The following PTPRN2 variants were observed in gnomAD, a reference collection of about 807,000 sequenced individuals.
PTPRN2 encodes the protein receptor-type tyrosine-protein phosphatase N2.
PTPRN2 carries 74 observed loss-of-function variants against 118.8 expected under a neutral mutation model. The ratio of observed to expected loss-of-function variants is 0.62; its 90% confidence interval spans 0.52 to 0.76. The LOEUF (loss-of-function observed/expected upper bound fraction) is 0.76, where lower values mean the gene tolerates loss of function less well. PTPRN2 is among the 30% of genes least tolerant of loss of function. The pLI is 0.00. For missense variants in PTPRN2, 1,481 were observed against 1,394.4 expected, an observed-to-expected ratio of 1.06 and a Z score of -0.99; for synonymous variants, 641 against 608.0, an observed-to-expected ratio of 1.05 and a Z score of -0.80.
chr7:158,321,113 G>GC (rs1055426065), intron 2 of PTPRN2, among the ~76,000 whole-genome samples: 1 of 151,620 alleles, frequency 6.6e-6, no homozygotes, highest in Non-Finnish European at 1.5e-5. Flanking sequence ...GAGTCGGGAC[G>GC]CCAGGGGTGA....
chr7:158,585,511 C>T (rs777851124), intron 1 of PTPRN2, among the ~76,000 whole-genome samples: 3 of 152,194 alleles, frequency 2.0e-5, no homozygotes, highest in Admixed American at 6.5e-5. Context: ...CCAGTGACAC[C>T]GTGATCAGAG....
At chr7:157,753,163 C>T (rs948185557) in intron 12 of PTPRN2, among the ~76,000 whole-genome samples, 1 of 152,230 alleles carries the variant, frequency 6.6e-6, no homozygotes, top group African/African-American at 2.4e-5. Context: ...ATCCTAAACG[C>T]CTCCCTCTGC....
intron 7 of PTPRN2, among the ~76,000 whole-genome samples, chr7:158,137,538 A>T (rs1274581541): frequency 6.6e-6 from 1 of 152,146 alleles, no homozygotes; most frequent in Non-Finnish European, 1.5e-5. Context: ...GGCCTCCTGC[A>T]TCCCTCCTAG....
intron 9 of PTPRN2, among the ~76,000 whole-genome samples, chr7:158,127,910 C>T (rs1481128784): frequency 6.6e-6 from 1 of 152,184 alleles, no homozygotes; most frequent in African/African-American, 2.4e-5. Flanking sequence ...CTTCAAGAAT[C>T]CCTCTAGTTT....
intron 9 of PTPRN2, among the ~76,000 whole-genome samples, chr7:158,120,341 T>A (rs901755364): frequency 2.0e-5 from 3 of 152,222 alleles, no homozygotes; most frequent in Admixed American, 1.3e-4. Context: ...GTAAACTTTA[T>A]GTTATCTATA....
chr7:158,171,240 CACATATAT>C lies in PTPRN2; in HGVS notation c.550-3957_550-3950del, dbSNP rs1368040061. On this transcript the variant is annotated intron_variant, in intron 5 of 22. Transcript: ENST00000389418. ...ACACATATATACACACATATATATA[CACATATAT>C]ACACACATATATATACACACATATA... Among the ~76,000 whole-genome samples the C allele has an allele frequency of 6.2e-3, 829 of 134,772 alleles. 23 individuals carry two copies. Among genetic ancestry groups the C allele is most frequent in the African/African-American group, 0.023 (797 of 34,618 alleles). The allele number at this position is 134,772 out of a possible 152,430, so 88.4% of individuals were successfully genotyped here.
intron 14 of PTPRN2, among the ~76,000 whole-genome samples, chr7:157,646,702 C>G (rs1233675780): frequency 6.6e-6 from 1 of 152,188 alleles, no homozygotes; most frequent in Non-Finnish European, 1.5e-5. Context: ...GAGCGTCAAG[C>G]AGGAGCTGTG....
At chr7:158,343,240 G>C (rs2151243039) in intron 2 of PTPRN2, among the ~76,000 whole-genome samples, 1 of 152,262 alleles carries the variant, frequency 6.6e-6, no homozygotes, top group East Asian at 1.9e-4. Flanking sequence ...AACGGGTAAA[G>C]GACCTGAGTA....
chr7:157,666,418 C>G (rs1184176486), intron 13 of PTPRN2, among the ~76,000 whole-genome samples: 1 of 151,808 alleles, frequency 6.6e-6, no homozygotes, highest in African/African-American at 2.4e-5. Flanking sequence ...CACGGTTTTG[C>G]AGGTCATCTC....
At chr7:157,547,112 G>A (rs1377405938) in intron 22 of PTPRN2, among the ~76,000 whole-genome samples, 2 of 152,200 alleles carry the variant, frequency 1.3e-5, no homozygotes, top group Non-Finnish European at 2.9e-5. Context: ...CAGAGGTGTG[G>A]GGAGGAAACT....
chr7:158,184,668 C>T (rs547822614), intron 5 of PTPRN2, among the ~76,000 whole-genome samples: 5 of 152,116 alleles, frequency 3.3e-5, no homozygotes, highest in Middle Eastern at 3.4e-3. Context: ...AAAAATTAGC[C>T]GGGCATGGTG....
intron 6 of PTPRN2, among the ~76,000 whole-genome samples, chr7:158,145,544 G>C (rs572780817): frequency 5.3e-5 from 8 of 152,350 alleles, no homozygotes; most frequent in African/African-American, 1.9e-4. Context: ...CAGGAAGGGA[G>C]GAAGAAATGG....
chr7:158,482,237 G>A (rs1394823333), intron 2 of PTPRN2, among the ~76,000 whole-genome samples: 2 of 152,226 alleles, frequency 1.3e-5, no homozygotes, highest in African/African-American at 2.4e-5. Flanking sequence ...TATTTGATAA[G>A]GCAGTGGCAG....
chr7:158,019,637 T>C (rs1428283749), intron 11 of PTPRN2, among the ~76,000 whole-genome samples: 2 of 152,248 alleles, frequency 1.3e-5, no homozygotes, highest in African/African-American at 4.8e-5. Context: ...GGTCCCATCA[T>C]AGACAAGACC....
chr7:158,497,426 C>T (rs1407325535), intron 1 of PTPRN2, among the ~76,000 whole-genome samples: 2 of 151,712 alleles, frequency 1.3e-5, no homozygotes, highest in African/African-American at 4.8e-5. Flanking sequence ...AGCCCCAGCC[C>T]AGCGTTTTGG....
chr7:158,280,898 G>A (rs562390800), intron 3 of PTPRN2, among the ~76,000 whole-genome samples: 9 of 152,336 alleles, frequency 5.9e-5, no homozygotes, highest in African/African-American at 9.6e-5. Flanking sequence ...GTGAACAGGC[G>A]CCAGGCCCTG....
chr7:158,269,577 G>T (rs553707876), intron 3 of PTPRN2, among the ~76,000 whole-genome samples: 1 of 152,298 alleles, frequency 6.6e-6, no homozygotes, highest in South Asian at 2.1e-4. Flanking sequence ...CCCTGGGGTG[G>T]GTAAAGGATG....
chr7:158,028,378 G>A (rs1176603847), intron 11 of PTPRN2: 1 of 152,646 alleles, frequency 6.6e-6, no homozygotes, highest in Non-Finnish European at 1.5e-5. Context: ...TGAAGAACAA[G>A]GCCAGGAGAA....
At chr7:157,945,053 C>T (rs376731846) in intron 11 of PTPRN2, among the ~76,000 whole-genome samples, 2 of 152,170 alleles carry the variant, frequency 1.3e-5, no homozygotes, top group Non-Finnish European at 2.9e-5. Context: ...CTGCTCTCAC[C>T]GAGTCAGGCC....
Sources: allele counts gnomAD v4.1 joint callset (sites outside exome capture counted in the v4.1 genomes callset), GRCh38; gene constraint gnomAD v4.1.1; transcripts MANE v1.5; gene names NCBI Gene and HGNC (gene_info 2026-07-23, HGNC 2026-07-21).